ADK: variants seen among roughly 807,000 people sequenced by gnomAD.
ADK encodes adenosine kinase.
A neutral mutation model predicts 44.7 loss-of-function variants in ADK; 24 were observed. The ratio of observed to expected loss-of-function variants is 0.54; its 90% CI spans 0.39 to 0.76. The LOEUF (loss-of-function observed/expected upper bound fraction) is 0.76. Ranked by LOEUF, ADK falls within the 30% of genes least tolerant of loss-of-function variation. ADK has a pLI of 0.00. For missense variants in ADK, 321 were observed against 425.1 expected (o/e 0.76, Z 2.15); for synonymous variants, 128 against 142.6 (o/e 0.90, Z 0.73).
At chr10:74,423,155 G>A (rs1198649311) in intron 6 of ADK, among the ~76,000 whole-genome samples, 2 of 152,150 alleles carry the variant, frequency 1.3e-5, no homozygotes, top group Non-Finnish European at 2.9e-5. Flanking sequence ...AGGAAAAGTA[G>A]GAGAGCAATA....
chr10:74,233,068 G>A lies in ADK; in HGVS notation c.194+8477G>A, dbSNP rs192867500. On this transcript the variant is annotated intron_variant, in intron 3 of 10. Transcript: ENST00000539909. ...CCTTCTACTTATGAAGCACTATATG[G>A]TGCCCTGGACTTAGCATTAGAAGAA... is the stretch of plus-strand genomic sequence containing the variant. 1.5e-4 allele frequency among the ~76,000 whole-genome samples: 23 copies of A among 152,254 alleles called. No individual in the cohort carries two copies. The East Asian group carries it at 4.4e-3, about 29-fold the overall frequency.
chr10:74,429,366 G>T (rs965357206), intron 6 of ADK, among the ~76,000 whole-genome samples: 1 of 152,140 alleles, frequency 6.6e-6, no homozygotes, highest in African/African-American at 2.4e-5. Context: ...CATGATAGTA[G>T]TTTAATACAG....
chr10:74,548,507 AT>A (rs1849917474), intron 7 of ADK, among the ~76,000 whole-genome samples: 1 of 152,250 alleles, frequency 6.6e-6, no homozygotes, highest in South Asian at 2.1e-4. Flanking sequence ...GGACATACTT[AT>A]ACTAAAAAAT....
chr10:74,192,137 T>C (rs1842971039), intron 1 of ADK, among the ~76,000 whole-genome samples: 1 of 152,248 alleles, frequency 6.6e-6, no homozygotes, highest in East Asian at 1.9e-4. Flanking sequence ...GTTTCTCTTT[T>C]ATGGGTGTAC....
intron 9 of ADK, among the ~76,000 whole-genome samples, chr10:74,636,229 G>A (rs1473162556): frequency 5.9e-5 from 9 of 152,024 alleles, no homozygotes; most frequent in Admixed American, 5.9e-4. Context: ...GACTAGTGTA[G>A]AATTAATATA....
chr10:74,657,867 A>G (rs182220044), intron 9 of ADK, among the ~76,000 whole-genome samples: 3 of 152,350 alleles, frequency 2.0e-5, no homozygotes, highest in East Asian at 3.8e-4. Context: ...GTGATGGCAT[A>G]AAAGAGAATA....
rs1341677378 is a variant in ADK, at chr10:74,177,120, T to G, written c.66-23644T>G. Among the ~76,000 whole-genome samples the G allele has an allele frequency of 5.3e-5, 8 of 152,262 alleles. No homozygotes were observed. The East Asian group carries it at 1.5e-3, about 29-fold the overall frequency. On this transcript the variant is annotated intron_variant, in intron 1 of 10. Coordinates refer to ENST00000539909, the MANE Select transcript of ADK (RefSeq NM_006721.4). The stretch of plus-strand genomic sequence containing the variant: ...TGTCGCTGCTTGGTCGAGGTGACCC[T>G]CGCCCAAATTCCAGGGTTGCAAGCG...
chr10:74,695,918 G>A (rs1404447889), intron 10 of ADK, among the ~76,000 whole-genome samples: 5 of 151,940 alleles, frequency 3.3e-5, no homozygotes, highest in African/African-American at 4.8e-5. Context: ...GGAATTACAG[G>A]CACAAACTAC....
At chr10:74,330,391 C>G (rs1293523860) in intron 4 of ADK, among the ~76,000 whole-genome samples, 1 of 152,054 alleles carries the variant, frequency 6.6e-6, no homozygotes, top group Non-Finnish European at 1.5e-5. Context: ...CCATTTTACT[C>G]TATCCTGGGA....
intron 3 of ADK, among the ~76,000 whole-genome samples, chr10:74,230,705 C>T (rs1207749958): frequency 8.9e-5 from 13 of 146,202 alleles, no homozygotes; most frequent in Admixed American, 1.4e-4. Flanking sequence ...TTTTTTGAGA[C>T]GGAGTCTCAC....
At chr10:74,392,977 T>C (rs1213220598) in intron 4 of ADK, among the ~76,000 whole-genome samples, 1 of 152,138 alleles carries the variant, frequency 6.6e-6, no homozygotes, top group Non-Finnish European at 1.5e-5. Context: ...GGTGGACTTC[T>C]AGTTTATTTC....
intron 6 of ADK, among the ~76,000 whole-genome samples, chr10:74,501,642 TAG>T (rs1176232311): frequency 6.6e-6 from 1 of 152,184 alleles, no homozygotes; most frequent in Non-Finnish European, 1.5e-5. Flanking sequence ...TACATTGTGA[TAG>T]ATCCATACAA....
chr10:74,705,432 T>C (rs760956863), intron 10 of ADK, among the ~76,000 whole-genome samples: 3 of 148,654 alleles, frequency 2.0e-5, no homozygotes, highest in African/African-American at 4.9e-5. Flanking sequence ...GGTATGAATC[T>C]AAAGTTTACA....
chr10:74,673,810 T>C (rs1040828383), intron 10 of ADK, among the ~76,000 whole-genome samples: 1 of 151,996 alleles, frequency 6.6e-6, no homozygotes, highest in Non-Finnish European at 1.5e-5. Flanking sequence ...TGAAAGTGGC[T>C]CTCAACAGGA....
intron 3 of ADK, among the ~76,000 whole-genome samples, chr10:74,285,055 T>C (rs1435694320): frequency 6.6e-6 from 1 of 152,244 alleles, no homozygotes; most frequent in Non-Finnish European, 1.5e-5. Flanking sequence ...ATCCTTATAA[T>C]AGTCCTTCAG....
chr10:74,223,593 ATTG>A (rs979063748), intron 2 of ADK, among the ~76,000 whole-genome samples: 2 of 152,078 alleles, frequency 1.3e-5, no homozygotes, highest in Admixed American at 1.3e-4. Flanking sequence ...AGACCTGGGA[ATTG>A]TTGTCCATTG....
At chr10:74,352,671 T>G (rs1446144427) in intron 4 of ADK, among the ~76,000 whole-genome samples, 3 of 152,122 alleles carry the variant, frequency 2.0e-5, no homozygotes, top group African/African-American at 7.2e-5. Flanking sequence ...TTGCAATCTA[T>G]CCATCTGACA....
intron 7 of ADK, among the ~76,000 whole-genome samples, chr10:74,579,261 G>A (rs1472756914): frequency 1.3e-5 from 2 of 151,696 alleles, no homozygotes; most frequent in Non-Finnish European, 2.9e-5. Flanking sequence ...GAAGAACAAG[G>A]TAAGACACAT....
intron 9 of ADK, among the ~76,000 whole-genome samples, chr10:74,603,436 G>A (rs1852214049): frequency 6.6e-6 from 1 of 152,098 alleles, no homozygotes; most frequent in Admixed American, 6.5e-5. Context: ...AGGCCCTGGT[G>A]TGTGATGTTG....
Sources: allele counts gnomAD v4.1 joint callset (sites outside exome capture counted in the v4.1 genomes callset), GRCh38; gene constraint gnomAD v4.1.1; transcripts MANE v1.5; gene names NCBI Gene and HGNC (gene_info 2026-07-23, HGNC 2026-07-21).